SLC36A1: variants seen among roughly 807,000 people sequenced by gnomAD.
SLC36A1 encodes the protein proton-coupled amino acid transporter 1.
SLC36A1 carries 30 observed loss-of-function variants against 47.5 expected under a neutral mutation model. The observed-to-expected ratio is 0.63, with a 90% CI of 0.47 to 0.86. The LOEUF (loss-of-function observed/expected upper bound fraction) is 0.86. SLC36A1 is among the 40% of genes least tolerant of loss of function. SLC36A1 has a pLI of 0.00. For synonymous variants in SLC36A1, 255 were observed against 249.7 expected (o/e 1.02, Z -0.20); for missense variants, 517 against 606.0 (o/e 0.85, Z 1.54).
At chr5:151,519,645 C>T in the SLC36A1 span, among the ~76,000 whole-genome samples, 9 of 152,278 alleles carry the variant, frequency 5.9e-5, no homozygotes, top group East Asian at 1.7e-3. Context: ...ATATTCTTTC[C>T]TTGATCTGGG....
the SLC36A1 span, among the ~76,000 whole-genome samples, chr5:151,367,901 C>A: frequency 6.6e-6 from 1 of 152,150 alleles, no homozygotes; most frequent in African/African-American, 2.4e-5. Context: ...TAATAACTCT[C>A]TATGGGGACA....
downstream of SLC36A1, among the ~76,000 whole-genome samples, chr5:151,495,803 TTCAC>T (rs546215422): frequency 4.3e-3 from 650 of 152,316 alleles, 6 homozygotes; most frequent in African/African-American, 0.015. Flanking sequence ...ATTGGCTTCT[TTCAC>T]TCAGTATAAT....
upstream of SLC36A1, among the ~76,000 whole-genome samples, chr5:151,436,382 A>G (rs897422701): frequency 4.7e-4 from 72 of 152,260 alleles, 1 homozygote; most frequent in Admixed American, 1.9e-3. Flanking sequence ...TGAAAGGCAG[A>G]TTGAAGGGTG....
At chr5:151,553,048 C>T in the SLC36A1 span, 7 of 838,156 alleles carry the variant, frequency 8.4e-6, no homozygotes, top group African/African-American at 5.0e-5. Context: ...GTCCCCACTC[C>T]GGGCTGAAAG....
chr5:151,467,682 G>C (rs776175169), intron 6 of SLC36A1, 25 bp from the exon 7 acceptor site: 1 of 1,599,396 alleles, frequency 6.3e-7, no homozygotes, highest in Admixed American at 1.7e-5. Flanking sequence ...AGGTGTTTCC[G>C]TTTTCTTCCT....
the SLC36A1 span, chr5:151,527,898 C>A: frequency 5.3e-5 from 79 of 1,483,768 alleles, 1 homozygote; most frequent in Admixed American, 3.3e-4. Context: ...GAGGAAGTTT[C>A]AGGATGGGGT....
chr5:151,433,247 T>TATATAC (rs1554105170), upstream of SLC36A1, among the ~76,000 whole-genome samples: 12 of 14,434 alleles, frequency 8.3e-4, no homozygotes, highest in African/African-American at 3.3e-3. Context: ...TATATATATA[T>TATATAC]ATATATATAT....
At chr5:151,411,710 C>CTA in the SLC36A1 span, among the ~76,000 whole-genome samples, 1 of 144,610 alleles carries the variant, frequency 6.9e-6, no homozygotes, top group Admixed American at 6.8e-5. Context: ...CAGAATCTTT[C>CTA]TAATAGTCTC....
At chr5:151,518,859 C>A in the SLC36A1 span, among the ~76,000 whole-genome samples, 3 of 152,192 alleles carry the variant, frequency 2.0e-5, no homozygotes, top group Non-Finnish European at 4.4e-5. Context: ...AATATCCACC[C>A]TCCCCAGAAG....
the SLC36A1 span, among the ~76,000 whole-genome samples, chr5:151,372,429 CAA>C: frequency 6.6e-6 from 1 of 151,792 alleles, no homozygotes; most frequent in Non-Finnish European, 1.5e-5. Flanking sequence ...GTAACAGAGA[CAA>C]ATAATTCATT....
At chr5:151,407,698 G>C in the SLC36A1 span, among the ~76,000 whole-genome samples, 202 of 152,332 alleles carry the variant, frequency 1.3e-3, no homozygotes, top group Non-Finnish European at 2.1e-3. Flanking sequence ...AATACAGTGG[G>C]GTGTTGGGTC....
chr5:151,377,561 A>G, the SLC36A1 span, among the ~76,000 whole-genome samples: 1 of 150,806 alleles, frequency 6.6e-6, no homozygotes, highest in Non-Finnish European at 1.5e-5. Flanking sequence ...GTTAGCCAGG[A>G]TGGTCTCGAT....
At chr5:151,499,606 G>A in the SLC36A1 span, among the ~76,000 whole-genome samples, 3 of 152,046 alleles carry the variant, frequency 2.0e-5, no homozygotes, top group African/African-American at 7.2e-5. Context: ...CTCACTTTTT[G>A]AGGGTTCTAG....
At chr5:151,427,301 C>T in the SLC36A1 span, among the ~76,000 whole-genome samples, 1 of 152,222 alleles carries the variant, frequency 6.6e-6, no homozygotes, top group Non-Finnish European at 1.5e-5. Context: ...GATACATTCT[C>T]AGAAGTGGAG....
chr5:151,351,626 C>T, the SLC36A1 span, among the ~76,000 whole-genome samples: 1 of 152,094 alleles, frequency 6.6e-6, no homozygotes, highest in African/African-American at 2.4e-5. Flanking sequence ...TTTCTTTTTT[C>T]AGCAAAAGCT....
At chr5:151,517,669 G>A in the SLC36A1 span, 1 of 1,614,202 alleles carries the variant, frequency 6.2e-7, no homozygotes, top group Non-Finnish European at 8.5e-7. Flanking sequence ...AATGGCCTGT[G>A]GCTGGAGTGT....
At chr5:151,367,016 G>T in the SLC36A1 span, among the ~76,000 whole-genome samples, 1 of 152,136 alleles carries the variant, frequency 6.6e-6, no homozygotes, top group Non-Finnish European at 1.5e-5. Context: ...ACTAATAAGG[G>T]TCTAACAAAG....
chr5:151,525,892 G>A, the SLC36A1 span: 3 of 1,614,188 alleles, frequency 1.9e-6, no homozygotes, highest in African/African-American at 1.3e-5. Context: ...AAACGAGTAG[G>A]GGGGGCCATT....
the SLC36A1 span, among the ~76,000 whole-genome samples, chr5:151,388,501 C>CAAAAAAAAAAAA: frequency 1.8e-4 from 16 of 90,758 alleles, 3 homozygotes; most frequent in African/African-American, 2.6e-4. Flanking sequence ...AACTCCATCT[C>CAAAAAAAAAAAA]AAAAGAAAAA....
Sources: allele counts gnomAD v4.1 joint callset (sites outside exome capture counted in the v4.1 genomes callset), GRCh38; gene constraint gnomAD v4.1.1; transcripts MANE v1.5; gene names NCBI Gene and HGNC (gene_info 2026-07-23, HGNC 2026-07-21).